The following CNTNAP2 variants were observed in gnomAD, a reference collection of about 807,000 sequenced individuals.
CNTNAP2 encodes the protein contactin associated protein 2.
CNTNAP2 carries 98 observed loss-of-function variants against 155.2 expected under a neutral mutation model. That is an observed-to-expected ratio of 0.63 (90% CI 0.54 to 0.75). The LOEUF (loss-of-function observed/expected upper bound fraction) is 0.75, where lower values mean the gene tolerates loss of function less well. CNTNAP2 is among the 30% of genes least tolerant of loss of function. CNTNAP2 has a pLI of 0.00. For missense variants in CNTNAP2, 1,727 were observed against 1,688.1 expected (o/e 1.02, Z -0.40); for synonymous variants, 651 against 631.2 (o/e 1.03, Z -0.47).
chr7:147,879,853 G>A (rs1799489826), intron 13 of CNTNAP2, among the ~76,000 whole-genome samples: 1 of 152,160 alleles, frequency 6.6e-6, no homozygotes, highest in Non-Finnish European at 1.5e-5. Context: ...TGTGAGTGGA[G>A]CTGTTTGAGG....
chr7:146,497,908 TATATAAAC>T (rs1797243661), intron 1 of CNTNAP2, among the ~76,000 whole-genome samples: 6 of 117,014 alleles, frequency 5.1e-5, no homozygotes, highest in Admixed American at 1.5e-4. Flanking sequence ...TATTCAAACA[TATATAAAC>T]ATATATTCTA....
rs556916189 is a variant in CNTNAP2 at position 147,134,102 on chromosome 7, T to C, written c.1348+1593T>C. Reference sequence around the variant, plus strand: ...ATGACTAAACATAAAAATATTAGTATGAAGGCCTGTCTCCTTGCAGTCTCT... The same window carrying C: ...ATGACTAAACATAAAAATATTAGTACGAAGGCCTGTCTCCTTGCAGTCTCT... On this transcript the variant is annotated intron_variant, in intron 8 of 23. Coordinates refer to ENST00000361727, the MANE Select transcript of CNTNAP2 (RefSeq NM_014141.6). Among the ~76,000 whole-genome samples the C allele has an allele frequency of 3.9e-5, 6 of 152,114 alleles. No individual in the cohort carries two copies. The South Asian group carries it at 1.2e-3, about 32-fold the overall frequency.
intron 21 of CNTNAP2, among the ~76,000 whole-genome samples, chr7:148,331,060 A>T (rs1395771967): frequency 6.7e-6 from 1 of 149,732 alleles, no homozygotes; most frequent in Non-Finnish European, 1.5e-5. Context: ...GATGGGATGG[A>T]TGGAGTGGAT....
At chr7:148,047,635 G>A (rs993348319) in intron 15 of CNTNAP2, among the ~76,000 whole-genome samples, 1 of 152,184 alleles carries the variant, frequency 6.6e-6, no homozygotes, top group Non-Finnish European at 1.5e-5. Flanking sequence ...AGAAGGCAGG[G>A]CATCACCTTG....
intron 22 of CNTNAP2, among the ~76,000 whole-genome samples, chr7:148,387,445 A>G (rs1009601034): frequency 6.6e-6 from 1 of 152,340 alleles, no homozygotes; most frequent in East Asian, 1.9e-4. Flanking sequence ...GTGTAGGGTT[A>G]GGATGGAAAG....
At chr7:147,302,394 GTGCTATTTACA>G (rs1794961273) in intron 9 of CNTNAP2, among the ~76,000 whole-genome samples, 1 of 152,184 alleles carries the variant, frequency 6.6e-6, no homozygotes, top group Non-Finnish European at 1.5e-5. Flanking sequence ...TCTTTATGGT[GTGCTATTTACA>G]TCAGTTTACA....
chr7:146,327,298 CTGTT>C lies in CNTNAP2; in HGVS notation c.97+210329_97+210332del, dbSNP rs933052504. ...GTACTGTAAACAATATGCTATATAA[CTGTT>C]TGTATACAATGAAGTGGTAATATTG... On this transcript the variant is annotated intron_variant, in intron 1 of 23. Transcript: ENST00000361727. 9.4e-4 allele frequency among the ~76,000 whole-genome samples: 143 copies of C among 152,118 alleles called. 2 individuals are homozygous for C. Among genetic ancestry groups the C allele is most frequent in the Non-Finnish European group, 6.3e-4 (43 of 68,026 alleles).
chr7:147,481,954 C>A (rs972934274), intron 10 of CNTNAP2, among the ~76,000 whole-genome samples: 1 of 151,914 alleles, frequency 6.6e-6, no homozygotes, highest in African/African-American at 2.4e-5. Flanking sequence ...ATCATAGATA[C>A]AAATAATCTA....
intron 21 of CNTNAP2, among the ~76,000 whole-genome samples, chr7:148,381,786 A>G (rs1767117497): frequency 6.6e-6 from 1 of 152,100 alleles, no homozygotes; most frequent in African/African-American, 2.4e-5. Flanking sequence ...TTTCTCTACC[A>G]TTGTATCAAT....
chr7:147,944,636 G>A (rs953005513), intron 14 of CNTNAP2, among the ~76,000 whole-genome samples: 5 of 152,084 alleles, frequency 3.3e-5, no homozygotes, highest in East Asian at 1.9e-4. Flanking sequence ...AATTAAAATC[G>A]GTAATTACTT....
intron 1 of CNTNAP2, among the ~76,000 whole-genome samples, chr7:146,279,792 AAT>A (rs1800221419): frequency 6.6e-6 from 1 of 151,838 alleles, no homozygotes; most frequent in African/African-American, 2.4e-5. Context: ...CCTTTTAAAA[AAT>A]AATATGCATA....
chr7:146,207,009 A>G (rs1476124910), intron 1 of CNTNAP2, among the ~76,000 whole-genome samples: 1 of 151,958 alleles, frequency 6.6e-6, no homozygotes, highest in Non-Finnish European at 1.5e-5. Flanking sequence ...TAATGATATC[A>G]AGGTAAGAGC....
intron 1 of CNTNAP2, among the ~76,000 whole-genome samples, chr7:146,594,254 C>T (rs1326293313): frequency 6.6e-6 from 1 of 152,050 alleles, no homozygotes; most frequent in Non-Finnish European, 1.5e-5. Flanking sequence ...CCTTAACTAC[C>T]GTCCAGTTCT....
intron 9 of CNTNAP2, among the ~76,000 whole-genome samples, chr7:147,316,686 A>G (rs1795239925): frequency 1.3e-5 from 2 of 152,194 alleles, no homozygotes; most frequent in African/African-American, 4.8e-5. Context: ...AACGGATCCC[A>G]TTGTATGATT....
chr7:146,333,625 A>G (rs1309830818), intron 1 of CNTNAP2, among the ~76,000 whole-genome samples: 1 of 152,240 alleles, frequency 6.6e-6, no homozygotes, highest in Non-Finnish European at 1.5e-5. Context: ...TCATATTATT[A>G]ATATCAGTTA....
chr7:146,373,785 A>T (rs961675754), intron 1 of CNTNAP2, among the ~76,000 whole-genome samples: 4 of 152,216 alleles, frequency 2.6e-5, no homozygotes, highest in Admixed American at 6.5e-5. Context: ...CATACGGAAG[A>T]TCCACAATGG....
intron 9 of CNTNAP2, among the ~76,000 whole-genome samples, chr7:147,393,321 G>A (rs189825674): frequency 2.8e-4 from 42 of 152,000 alleles, no homozygotes; most frequent in African/African-American, 9.2e-4. Flanking sequence ...TGTTATAAGC[G>A]AATGATGAAT....
intron 13 of CNTNAP2, among the ~76,000 whole-genome samples, chr7:147,764,460 C>T (rs1797354639): frequency 6.6e-6 from 1 of 152,178 alleles, no homozygotes; most frequent in Non-Finnish European, 1.5e-5. Flanking sequence ...CTGTTATCAC[C>T]TGGATTCCCA....
intron 10 of CNTNAP2, among the ~76,000 whole-genome samples, chr7:147,471,682 A>G (rs1383968514): frequency 1.3e-5 from 2 of 152,234 alleles, no homozygotes; most frequent in Non-Finnish European, 2.9e-5. Context: ...AACTTCTTCA[A>G]CCATTACTTC....
Sources: allele counts gnomAD v4.1 joint callset (sites outside exome capture counted in the v4.1 genomes callset), GRCh38; gene constraint gnomAD v4.1.1; transcripts MANE v1.5; gene names NCBI Gene and HGNC (gene_info 2026-07-23, HGNC 2026-07-21).